The following PSMC6 variants were observed in gnomAD, a reference collection of about 807,000 sequenced individuals.
PSMC6 encodes the protein proteasome 26S subunit, ATPase 6, also known as 26S proteasome regulatory subunit 10B.
Under a neutral mutation model 55.9 loss-of-function variants are expected in PSMC6, and 3 were observed. The ratio of observed to expected loss-of-function variants is 0.05; its 90% CI spans 0.02 to 0.14. The LOEUF (loss-of-function observed/expected upper bound fraction) is 0.14. PSMC6 is among the 10% of genes least tolerant of loss of function. The pLI is 1.00. For missense variants in PSMC6, 210 were observed against 478.7 expected, an observed-to-expected ratio of 0.44 and a Z score of 5.24; for synonymous variants, 137 against 155.9, an observed-to-expected ratio of 0.88 and a Z score of 0.90.
intron 1 of PSMC6, 139 bp downstream of exon 1, chr14:52,707,443 T>G: frequency 8.5e-7 from 1 of 1,182,844 alleles, no homozygotes; most frequent in Non-Finnish European, 1.2e-6. Context: ...CGCTTTGTCA[T>G]CCGGCCCTGA....
intron 4 of PSMC6, 94 bp from the exon 5 acceptor site, chr14:52,711,007 A>G: frequency 1.5e-6 from 1 of 682,766 alleles, no homozygotes; most frequent in Non-Finnish European, 2.5e-6. Context: ...CTGGAGGGTA[A>G]AAATGAGTGT....
chr14:52,719,140 G>A (rs2041862281), intron 10 of PSMC6, 102 bp downstream of exon 10: 2 of 1,010,340 alleles, frequency 2.0e-6, no homozygotes, highest in South Asian at 3.1e-5. Flanking sequence ...CATTTTAAAT[G>A]AAATATGAAA....
At chr14:52,714,131 TC>T in intron 7 of PSMC6, 163 bp downstream of exon 7, 1 of 453,234 alleles carries the variant, frequency 2.2e-6, no homozygotes, top group South Asian at 3.8e-5. Flanking sequence ...ACCTCTGCCT[TC>T]CGGGCTCAAG....
intron 12 of PSMC6, chr14:52,723,721 A>T: frequency 2.4e-6 from 2 of 827,870 alleles, no homozygotes; most frequent in Non-Finnish European, 3.4e-6. Flanking sequence ...ATAGATTAAG[A>T]TATTTTGAGA....
chr14:52,709,806 A>G, intron 4 of PSMC6: 1 of 228,200 alleles, frequency 4.4e-6, no homozygotes, highest in South Asian at 4.3e-5. Context: ...AAAAATCAAA[A>G]GTTTGAAATG....
chr14:52,722,974 G>A (rs745321561), intron 12 of PSMC6: 6 of 152,192 alleles, frequency 3.9e-5, no homozygotes, highest in Non-Finnish European at 8.8e-5. Context: ...CTCTTTAGAA[G>A]TTAATGGTCC....
At chr14:52,717,985 G>A (rs1281203241) in intron 7 of PSMC6, 96 bp from the exon 8 acceptor site, 12 of 1,149,612 alleles carry the variant, frequency 1.0e-5, no homozygotes, top group Admixed American at 5.6e-5. Flanking sequence ...CTGTGATCTC[G>A]CCACACTCCA....
intron 6 of PSMC6, among the ~76,000 whole-genome samples, chr14:52,713,496 G>GT (rs994466713): frequency 4.6e-5 from 7 of 151,952 alleles, no homozygotes; most frequent in African/African-American, 1.4e-4. Context: ...TTTGAGTTGT[G>GT]TTTTTTGTTT....
intron 1 of PSMC6, 137 bp from the exon 2 acceptor site, chr14:52,708,172 C>A: frequency 2.9e-6 from 2 of 701,576 alleles, no homozygotes; most frequent in East Asian, 5.4e-5. Context: ...AGCATTATTT[C>A]TTTTATGGTT....
chr14:52,720,044 G>GA (rs2139851148), intron 10 of PSMC6, among the ~76,000 whole-genome samples: 1 of 152,028 alleles, frequency 6.6e-6, no homozygotes, highest in Admixed American at 6.5e-5. Context: ...CCAACGTAGC[G>GA]AAACACCATC....
At chr14:52,714,865 CAA>C (rs373579933) in intron 7 of PSMC6, among the ~76,000 whole-genome samples, 5 of 67,108 alleles carry the variant, frequency 7.5e-5, no homozygotes, top group Admixed American at 4.0e-4. Flanking sequence ...GACTCCTTCT[CAA>C]AAAAAAAAAA....
chr14:52,709,658 T>G (rs564827031), intron 4 of PSMC6: 14 of 440,366 alleles, frequency 3.2e-5, no homozygotes, highest in African/African-American at 2.7e-4. Context: ...CTAAAAAACA[T>G]TAGAAAAGCC....
chr14:52,712,946 T>G (rs2041790371), intron 6 of PSMC6, among the ~76,000 whole-genome samples: 1 of 152,068 alleles, frequency 6.6e-6, no homozygotes, highest in East Asian at 2.0e-4. Context: ...GAAATTTCTC[T>G]CTCGGTCAGG....
chr14:52,725,629 T>C (rs1050375981), intron 13 of PSMC6, among the ~76,000 whole-genome samples: 3 of 152,192 alleles, frequency 2.0e-5, no homozygotes, highest in African/African-American at 7.2e-5. Flanking sequence ...TGATCATTTC[T>C]CCTTTATCTT....
chr14:52,707,371 G>A lies in PSMC6; in HGVS notation c.85+67G>A, dbSNP rs758825819. On this transcript the variant is annotated intron_variant, in intron 1 of 13. Coordinates refer to ENST00000445930, the MANE Select transcript of PSMC6 (RefSeq NM_002806.5). ...CGCTTCTGCCTCTGACAAAGCAGAA[G>A]CCTTTCGCCGAGCCCGGCAACCGAG... 6 of 1,594,236 alleles carry A rather than the reference G, an allele frequency of 3.8e-6. No homozygotes were observed. In the Admixed American group the frequency reaches 1.1e-4, roughly 28 times the overall value.
chr14:52,718,154 A>G lies in PSMC6; in HGVS notation c.591+12A>G, dbSNP rs1341001697. The G allele has an allele frequency of 1.9e-6, 3 of 1,612,508 alleles. No homozygotes were observed. The Admixed American group carries it at 5.0e-5, about 27-fold the overall frequency. ...GCAATTTCTTAAAGGTAAAGGGAAG[A>G]TTATTTTGTACTTATTGAAATTTAA... is the stretch of plus-strand genomic sequence containing the variant. On this transcript the variant is annotated intron_variant, in intron 8 of 13. Coordinates refer to ENST00000445930, the MANE Select transcript of PSMC6 (RefSeq NM_002806.5).
At chr14:52,718,574 G>A in intron 9 of PSMC6, 1 of 471,390 alleles carries the variant, frequency 2.1e-6, no homozygotes, top group Admixed American at 3.6e-5. Context: ...AGATCACCAG[G>A]TCAGGAGATC....
chr14:52,716,742 A>C (rs1161400399), intron 7 of PSMC6, among the ~76,000 whole-genome samples: 6 of 152,126 alleles, frequency 3.9e-5, no homozygotes, highest in Non-Finnish European at 5.9e-5. Context: ...AACAAGAGTG[A>C]AACTCCATCT....
chr14:52,711,623 T>A, intron 6 of PSMC6, 99 bp downstream of exon 6: 1 of 668,538 alleles, frequency 1.5e-6, no homozygotes, highest in Non-Finnish European at 2.4e-6. Flanking sequence ...ACTTTTTGTC[T>A]AAATGGTAGT....
Sources: gnomAD v4.1 joint callset for allele counts (sites outside exome capture counted in the v4.1 genomes callset) on GRCh38, gnomAD v4.1.1 for gene constraint, MANE v1.5 for transcripts, NCBI Gene and HGNC (gene_info 2026-07-23, HGNC 2026-07-21) for gene names.